Variants in ANKS1B observed in about 807,000 individuals in gnomAD.
The protein encoded by ANKS1B is ankyrin repeat and sterile alpha motif domain containing 1B, also known as ankyrin repeat and sterile alpha motif domain-containing protein 1B.
A neutral mutation model predicts 148.3 loss-of-function variants in ANKS1B; 36 were observed. That is an observed-to-expected ratio of 0.24 (90% CI 0.19 to 0.32). ANKS1B has a LOEUF of 0.32. Among genes scored for constraint, ANKS1B ranks in the 10% least tolerant of loss-of-function variants. The pLI is 1.00. For synonymous variants in ANKS1B, 542 were observed against 560.8 expected, an observed-to-expected ratio of 0.97 and a Z score of 0.47; for missense variants, 1,157 against 1,542.6, an observed-to-expected ratio of 0.75 and a Z score of 4.19.
At chr12:99,875,444 A>C (rs2153732162) in intron 1 of ANKS1B, among the ~76,000 whole-genome samples, 1 of 152,190 alleles carries the variant, frequency 6.6e-6, no homozygotes, top group Non-Finnish European at 1.5e-5. Context: ...CTTAGAAAAA[A>C]AAAAGTCTTA....
chr12:99,310,637 C>T (rs533091544), intron 12 of ANKS1B, among the ~76,000 whole-genome samples: 16 of 152,228 alleles, frequency 1.1e-4, no homozygotes, highest in South Asian at 4.1e-4. Context: ...CTGGCTCTCA[C>T]GGTTTTCAGG....
intron 12 of ANKS1B, among the ~76,000 whole-genome samples, chr12:99,318,695 T>C (rs944567692): frequency 6.6e-6 from 1 of 152,200 alleles, no homozygotes; most frequent in African/African-American, 2.4e-5. Flanking sequence ...ATCTTAGTTA[T>C]TTCTTGCCTT....
chr12:99,547,933 T>C (rs1394773005), intron 9 of ANKS1B, among the ~76,000 whole-genome samples: 1 of 152,174 alleles, frequency 6.6e-6, no homozygotes, highest in Non-Finnish European at 1.5e-5. Context: ...AGATTCGGGT[T>C]GTTTTTGAGG....
Position 99,843,180 on chromosome 12 carries a change from A to G in ANKS1B, c.135-17791T>C, listed in dbSNP as rs576049636. On this transcript the variant is annotated intron_variant, in intron 1 of 26. Transcript: ENST00000683438. ...GTCATTTATGTTTTTCTAGGAGATA[A>G]GTTATTTCCATTTAGGTTTTCTAAT... 3.3e-5 allele frequency among the ~76,000 whole-genome samples: 5 copies of G among 152,262 alleles called. No homozygotes were observed. In the East Asian group the frequency reaches 9.6e-4, roughly 29 times the overall value.
chr12:98,855,415 C>T (rs552096396), intron 17 of ANKS1B, among the ~76,000 whole-genome samples: 2 of 152,174 alleles, frequency 1.3e-5, no homozygotes, highest in African/African-American at 2.4e-5. Flanking sequence ...TTAAATTTAC[C>T]CACATGTCAT....
Position 99,642,259 on chromosome 12 carries a change from A to G in ANKS1B, c.1272+12808T>C, listed in dbSNP as rs375867055. ...AAATGCATTTTTCTGTAAAATAAAT[A>G]TATGTCCCATCTTCTGCCTAGATGC... On this transcript the variant is annotated intron_variant, in intron 9 of 26. Coordinates refer to ENST00000683438, the MANE Select transcript of ANKS1B (RefSeq NM_001352186.2). 1.0e-3 allele frequency among the ~76,000 whole-genome samples: 155 copies of G among 152,322 alleles called. 1 individual carries two copies. The South Asian group carries it at 0.013, about 13-fold the overall frequency.
intron 8 of ANKS1B, among the ~76,000 whole-genome samples, chr12:99,657,613 T>C (rs1428787171): frequency 6.7e-6 from 1 of 148,450 alleles, no homozygotes; most frequent in East Asian, 2.0e-4. Context: ...AAATAAAAAA[T>C]CTTGGGAAAT....
chr12:99,258,429 T>A (rs868833180), intron 12 of ANKS1B, among the ~76,000 whole-genome samples: 83 of 147,594 alleles, frequency 5.6e-4, no homozygotes, highest in Middle Eastern at 6.9e-3. Context: ...GATCTTCATT[T>A]AAAAAAAAAA....
chr12:98,926,236 C>T lies in ANKS1B; in HGVS notation c.2779-94100G>A, dbSNP rs149094685. ...CCTTTGGCAGTGGCTGGGAGACTTA[C>T]TGGCTCAAGGCATTTAAGGAAATCT... On this transcript the variant is annotated intron_variant, in intron 17 of 26. Transcript: ENST00000683438. 3.3e-5 allele frequency among the ~76,000 whole-genome samples: 5 copies of T among 152,288 alleles called. No individual in the cohort carries two copies. The East Asian group carries it at 9.7e-4, about 29-fold the overall frequency.
intron 9 of ANKS1B, among the ~76,000 whole-genome samples, chr12:99,555,623 C>T (rs1006074864): frequency 6.6e-6 from 1 of 151,962 alleles, no homozygotes; most frequent in Non-Finnish European, 1.5e-5. Context: ...TTCAATCCTA[C>T]ATTGTTGAGG....
intron 12 of ANKS1B, among the ~76,000 whole-genome samples, chr12:99,347,572 T>G (rs1198351237): frequency 2.0e-5 from 3 of 152,014 alleles, no homozygotes; most frequent in Non-Finnish European, 4.4e-5. Context: ...TCCAGGCATT[T>G]AAGGAAATCT....
At chr12:99,750,820 G>A (rs528470119) in intron 8 of ANKS1B, among the ~76,000 whole-genome samples, 10 of 152,180 alleles carry the variant, frequency 6.6e-5, no homozygotes, top group African/African-American at 2.4e-4. Flanking sequence ...CCCCTTTGAG[G>A]AGAGCCACCT....
chr12:99,888,969 A>AACACACACACACACACACAC lies in ANKS1B; in HGVS notation c.135-63600_135-63581dup, dbSNP rs6144833. Among the ~76,000 whole-genome samples, 347 of 147,292 alleles carry AACACACACACACACACACAC rather than the reference A, an allele frequency of 2.4e-3. 3 individuals carry two copies. The highest frequency in any genetic ancestry group is 8.0e-3 in the African/African-American group (316 of 39,604). ...TGGAAAAATGGCTCACCTTCGCCAA[A>AACACACACACACACACACAC]ACACACACACACACACACACACACA... is the stretch of plus-strand genomic sequence containing the variant. On this transcript the variant is annotated intron_variant, in intron 1 of 26. Transcript: ENST00000683438.
At chr12:99,947,490 T>C (rs367830787) in intron 1 of ANKS1B, among the ~76,000 whole-genome samples, 2 of 151,912 alleles carry the variant, frequency 1.3e-5, no homozygotes, top group East Asian at 1.9e-4. Flanking sequence ...ATGAAAAGAA[T>C]AAAAAATAGA....
chr12:99,009,841 C>CAA (rs150905224), intron 17 of ANKS1B, among the ~76,000 whole-genome samples: 1,591 of 133,298 alleles, frequency 0.012, 16 homozygotes, highest in South Asian at 0.045. Flanking sequence ...GTCATCTATG[C>CAA]AAAAAAAAAA....
chr12:99,615,276 A>G (rs2097945078), intron 9 of ANKS1B, among the ~76,000 whole-genome samples: 1 of 152,150 alleles, frequency 6.6e-6, no homozygotes, highest in Non-Finnish European at 1.5e-5. Flanking sequence ...TGTTGGGATA[A>G]TATGACTTGT....
At chr12:98,807,482 T>C (rs550241889) in intron 20 of ANKS1B, among the ~76,000 whole-genome samples, 1 of 152,126 alleles carries the variant, frequency 6.6e-6, no homozygotes, top group East Asian at 1.9e-4. Flanking sequence ...AGGTACAAAA[T>C]GGGGAGGAAT....
chr12:99,542,602 A>C (rs1456733464), intron 9 of ANKS1B, among the ~76,000 whole-genome samples: 1 of 152,144 alleles, frequency 6.6e-6, no homozygotes, highest in African/African-American at 2.4e-5. Context: ...AGGAACTCAG[A>C]ATAGCCAAAA....
chr12:99,746,993 T>C (rs2060657922), intron 8 of ANKS1B, among the ~76,000 whole-genome samples: 1 of 152,092 alleles, frequency 6.6e-6, no homozygotes, highest in African/African-American at 2.4e-5. Flanking sequence ...CTGGGAGTCA[T>C]GCTATATAAT....
Sources: gnomAD v4.1 joint callset for allele counts (sites outside exome capture counted in the v4.1 genomes callset) on GRCh38, gnomAD v4.1.1 for gene constraint, MANE v1.5 for transcripts, NCBI Gene and HGNC (gene_info 2026-07-23, HGNC 2026-07-21) for gene names.